Variants in TBCD observed in about 807,000 individuals in gnomAD.
TBCD encodes tubulin folding cofactor D.
TBCD carries 105 observed loss-of-function variants against 169.3 expected under a neutral mutation model. That is an observed-to-expected ratio of 0.62 (90% CI 0.53 to 0.73). The LOEUF (loss-of-function observed/expected upper bound fraction) is 0.73, where lower values mean the gene tolerates loss of function less well. TBCD is among the 30% of genes least tolerant of loss of function. The probability of loss-of-function intolerance (pLI) is 0.00; values close to 1 mark genes in which losing one functional copy is unlikely to be tolerated. For missense variants in TBCD, 1,444 were observed against 1,600.1 expected, an observed-to-expected ratio of 0.90 and a Z score of 1.66; for synonymous variants, 700 against 643.9, an observed-to-expected ratio of 1.09 and a Z score of -1.32.
At chr17:82,787,164 C>T (rs565932909) in intron 7 of TBCD, among the ~76,000 whole-genome samples, 6 of 152,276 alleles carry the variant, frequency 3.9e-5, no homozygotes, top group African/African-American at 1.4e-4. Flanking sequence ...TGTGCCACCC[C>T]CCGGCATATG....
chr17:82,905,894 T>G, intron 19 of TBCD, 42 bp from the exon 20 acceptor site: 1 of 1,524,012 alleles, frequency 6.6e-7, no homozygotes, highest in South Asian at 1.2e-5. Context: ...GCCGTCCACA[T>G]GTACACACCC....
In TBCD at chr17:82,911,738, A is replaced by G; in HGVS notation, c.2007-20A>G. On this transcript the variant is annotated intron_variant, in intron 22 of 38. Coordinates refer to ENST00000355528, the MANE Select transcript of TBCD (RefSeq NM_005993.5). ...ACGTCAAGAGGTTCTTCTAATTCTGATGTTTTCATTCCTTTTCAGGGGTCT... is the reference window on the plus strand; with the variant it reads ...ACGTCAAGAGGTTCTTCTAATTCTGGTGTTTTCATTCCTTTTCAGGGGTCT... The G allele has an allele frequency of 6.2e-7, 1 of 1,613,428 alleles. No individual in the cohort carries two copies. The highest frequency in any genetic ancestry group is 8.5e-7 in the Non-Finnish European group (1 of 1,179,548).
chr17:82,811,716 A>C (rs2051456836), intron 12 of TBCD, among the ~76,000 whole-genome samples: 1 of 152,120 alleles, frequency 6.6e-6, no homozygotes, highest in African/African-American at 2.4e-5. Flanking sequence ...CCATGGCATA[A>C]AAAGGTGCAG....
At chr17:82,905,089 G>A (rs11651826) in intron 19 of TBCD, among the ~76,000 whole-genome samples, 9,602 of 152,282 alleles carry the variant, frequency 0.063, 406 homozygotes, top group Non-Finnish European at 0.095. Flanking sequence ...CTCCCTCTGC[G>A]TCCGTGAGGG....
chr17:82,801,748 G>A (rs1208236045), intron 9 of TBCD, among the ~76,000 whole-genome samples: 5 of 142,194 alleles, frequency 3.5e-5, no homozygotes, highest in Non-Finnish European at 6.1e-5. Flanking sequence ...GTGCGTGATC[G>A]TGTGGCTCAG....
intron 34 of TBCD, among the ~76,000 whole-genome samples, chr17:82,933,031 G>A (rs1429428943): frequency 1.3e-5 from 2 of 152,184 alleles, no homozygotes; most frequent in Admixed American, 6.5e-5. Context: ...CCAGGGGTGG[G>A]CCTCAGGGTT....
chr17:82,881,362 C>G (rs1012352217), intron 14 of TBCD, among the ~76,000 whole-genome samples: 14 of 152,250 alleles, frequency 9.2e-5, no homozygotes, highest in Non-Finnish European at 1.9e-4. Context: ...CTCATTCGGT[C>G]AGGCCGCTTG....
Position 82,833,839 on chromosome 17 carries a change from G to C in TBCD, c.1318+18905G>C, listed in dbSNP as rs2053723753. Among the ~76,000 whole-genome samples, 1 of 152,246 alleles carries C rather than the reference G, an allele frequency of 6.6e-6. No homozygotes were observed. ...ACCAGAGGCTGTGTGTGTGATGTCAGAGCTGGCCTGCTCTTTTGGATTCTT... is the reference window on the plus strand; with the variant it reads ...ACCAGAGGCTGTGTGTGTGATGTCACAGCTGGCCTGCTCTTTTGGATTCTT... On this transcript the variant is annotated intron_variant, in intron 13 of 38. Coordinates refer to ENST00000355528, the MANE Select transcript of TBCD (RefSeq NM_005993.5). This position sits in a 1 kb window ranked among gnomAD's most constrained non-coding sequence, Gnocchi z 4.7.
chr17:82,811,086 G>A (rs1405296016), intron 12 of TBCD, among the ~76,000 whole-genome samples: 1 of 152,218 alleles, frequency 6.6e-6, no homozygotes, highest in East Asian at 1.9e-4. Flanking sequence ...AGGGTGCTAC[G>A]TGCTTGGCTT....
At chr17:82,866,553 C>T (rs1021155611) in intron 13 of TBCD, among the ~76,000 whole-genome samples, 15 of 152,340 alleles carry the variant, frequency 9.8e-5, no homozygotes, top group African/African-American at 3.1e-4. Flanking sequence ...ACGTCTCTTG[C>T]GGGTGTCATG....
chr17:82,805,779 A>G, intron 9 of TBCD, 96 bp from the exon 10 acceptor site: 1 of 1,427,724 alleles, frequency 7.0e-7, no homozygotes, highest in Non-Finnish European at 9.5e-7. Context: ...TTTCACAGGC[A>G]CGCTTTAAGA....
chr17:82,805,025 C>T (rs2050851603), intron 9 of TBCD, among the ~76,000 whole-genome samples: 1 of 152,270 alleles, frequency 6.6e-6, no homozygotes, highest in South Asian at 2.1e-4. Flanking sequence ...CCTGAACTCT[C>T]ACTGGACACC....
intron 1 of TBCD, among the ~76,000 whole-genome samples, chr17:82,753,867 G>C (rs1003901834): frequency 8.9e-6 from 1 of 112,550 alleles, no homozygotes; most frequent in Non-Finnish European, 1.8e-5. Context: ...CTAGACTAGA[G>C]GTTTTTTTTT....
intron 17 of TBCD, among the ~76,000 whole-genome samples, chr17:82,899,488 C>T (rs555571236): frequency 6.6e-6 from 1 of 152,262 alleles, no homozygotes; most frequent in Admixed American, 6.5e-5. Flanking sequence ...GTGTCTGCAC[C>T]TCCTTTTGGT....
At chr17:82,798,123 C>G (rs1300826551) in intron 8 of TBCD, among the ~76,000 whole-genome samples, 1 of 150,670 alleles carries the variant, frequency 6.6e-6, no homozygotes, top group Non-Finnish European at 1.5e-5. Context: ...ACTACAGGTG[C>G]CTGCCACCAT....
Position 82,945,024 on chromosome 17 carries a change from G to A in TBCD, c.*2561G>A, listed in dbSNP as rs570975657. ...TTTGATTGACTTGGCCCTGACCAGT[G>A]GTATTCCCAGACAAGGGCAGAAGAT... is the stretch of plus-strand genomic sequence containing the variant. On this transcript the variant is annotated 3_prime_UTR_variant, in exon 39 of 39. Transcript: ENST00000355528. 6.6e-6 allele frequency: 1 copy of A among 152,252 alleles called. No homozygotes were observed. Among genetic ancestry groups the A allele is most frequent in the East Asian group, 1.9e-4 (1 of 5,192 alleles). 9.4% of individuals were successfully genotyped at this position (152,252 alleles called of 1,614,324 possible). A position where few individuals can be genotyped will look rare whatever the true frequency, so the allele number is the denominator to read the frequency against.
chr17:82,910,660 C>CGTTCAA (rs2060571964), intron 22 of TBCD, among the ~76,000 whole-genome samples: 1 of 151,964 alleles, frequency 6.6e-6, no homozygotes, highest in African/African-American at 2.4e-5. Flanking sequence ...TCACCTCCCA[C>CGTTCAA]GTTCAAGCGA....
chr17:82,842,690 A>G (rs2054621011), intron 13 of TBCD, among the ~76,000 whole-genome samples: 1 of 151,524 alleles, frequency 6.6e-6, no homozygotes, highest in Admixed American at 6.6e-5. Flanking sequence ...CTACTCTTCA[A>G]CCTCACTGAT....
rs899179313 is a variant in TBCD at position 82,782,947 on chromosome 17, G to A, written c.771+1226G>A. Among the ~76,000 whole-genome samples the A allele has an allele frequency of 4.7e-5, 7 of 150,226 alleles. No homozygotes were observed. Among genetic ancestry groups the A allele is most frequent in the African/African-American group, 1.2e-4 (5 of 40,676 alleles). On this transcript the variant is annotated intron_variant, in intron 7 of 38. Coordinates refer to ENST00000355528, the MANE Select transcript of TBCD (RefSeq NM_005993.5). The surrounding 1 kb of genome is among the most constrained non-coding windows in gnomAD (Gnocchi z 5.1). ...CTGTCCATGGCGGCCTCCTGTCCGC[G>A]GTGCCCTCCTGTCCATGGTGGCCTC...
Sources: gnomAD v4.1 joint callset for allele counts (sites outside exome capture counted in the v4.1 genomes callset) on GRCh38, gnomAD v4.1.1 for gene constraint, Gnocchi (gnomAD v3.1) non-coding constraint, MANE v1.5 for transcripts, NCBI Gene and HGNC (gene_info 2026-07-23, HGNC 2026-07-21) for gene names.